The following TRAPPC9 variants were observed in gnomAD, a reference collection of about 807,000 sequenced individuals.
TRAPPC9 encodes the protein trafficking protein particle complex subunit 9.
Under a neutral mutation model 124.0 loss-of-function variants are expected in TRAPPC9, and 83 were observed. The observed-to-expected ratio is 0.67, with a 90% CI of 0.56 to 0.80. The LOEUF (loss-of-function observed/expected upper bound fraction) is 0.80, where lower values mean the gene tolerates loss of function less well. Ranked by LOEUF, TRAPPC9 falls within the 30% of genes least tolerant of loss-of-function variation. TRAPPC9 has a pLI of 0.00. For synonymous variants in TRAPPC9, 638 were observed against 617.5 expected (o/e 1.03, Z -0.49); for missense variants, 1,302 against 1,508.3 (o/e 0.86, Z 2.27).
At chr8:140,054,055 G>C (rs558751283) in intron 17 of TRAPPC9, among the ~76,000 whole-genome samples, 2 of 152,322 alleles carry the variant, frequency 1.3e-5, no homozygotes, top group African/African-American at 4.8e-5. Context: ...ACTATGCTAA[G>C]TGAATTAACA....
intron 21 of TRAPPC9, among the ~76,000 whole-genome samples, chr8:139,849,608 T>C (rs1827318253): frequency 6.6e-6 from 1 of 152,236 alleles, no homozygotes; most frequent in Non-Finnish European, 1.5e-5. Flanking sequence ...GAGTACTTCG[T>C]GTAATATTCA....
chr8:140,053,699 C>T (rs1842131402), intron 17 of TRAPPC9, among the ~76,000 whole-genome samples: 1 of 152,136 alleles, frequency 6.6e-6, no homozygotes, highest in South Asian at 2.1e-4. Context: ...CTTTTTCTCC[C>T]TTTAGTCAGT....
chr8:139,790,606 G>C (rs1822592916), intron 21 of TRAPPC9, among the ~76,000 whole-genome samples: 1 of 152,192 alleles, frequency 6.6e-6, no homozygotes. Flanking sequence ...GTCACATCTG[G>C]TGGAGTGGGT....
At chr8:140,264,835 T>C (rs1213369326) in intron 15 of TRAPPC9, among the ~76,000 whole-genome samples, 1 of 152,134 alleles carries the variant, frequency 6.6e-6, no homozygotes, top group African/African-American at 2.4e-5. Flanking sequence ...CCACCCACCC[T>C]GTGCTAAGCA....
rs1411473370 is a variant in TRAPPC9, at chr8:139,988,151, C to G, written c.2810+575G>C. Among the ~76,000 whole-genome samples the G allele has an allele frequency of 2.0e-5, 3 of 148,510 alleles. No homozygotes were observed. In the East Asian group the frequency reaches 6.0e-4, roughly 30 times the overall value. ...TGAGGCGGAGTCTCGCTCTGTCGCCCAGGCTGGAGTACGGTGGTACGATCG... is the reference window on the plus strand; with the variant it reads ...TGAGGCGGAGTCTCGCTCTGTCGCCGAGGCTGGAGTACGGTGGTACGATCG... On this transcript the variant is annotated intron_variant, in intron 19 of 22. Transcript: ENST00000438773.
rs1443989670 is a variant in TRAPPC9, at chr8:140,450,969, G to A, written c.405C>T (p.Tyr135=). The A allele has an allele frequency of 3.1e-6, 5 of 1,614,042 alleles. No individual in the cohort carries two copies. Among genetic ancestry groups the A allele is most frequent in the Middle Eastern group, 1.6e-4 (1 of 6,084 alleles). Residue 135 remains tyrosine (Y), a synonymous_variant, in exon 2 of 23, where the codon TAC becomes TAT. Coordinates refer to ENST00000438773, the MANE Select transcript of TRAPPC9 (RefSeq NM_001160372.4). Reference sequence around the variant, plus strand: ...CCGTCTGGCAGTCCTCGTAGTTGGGGTAGAAAGCCACGTCGGTGCGCGGCT... The same window carrying A: ...CCGTCTGGCAGTCCTCGTAGTTGGGATAGAAAGCCACGTCGGTGCGCGGCT... The part of the protein sequence containing the change: ...VEQPRTDVAF[Y]PNYEDCQTVE...
intron 21 of TRAPPC9, among the ~76,000 whole-genome samples, chr8:139,741,665 G>A (rs757757943): frequency 6.6e-6 from 1 of 151,836 alleles, no homozygotes; most frequent in Non-Finnish European, 1.5e-5. Context: ...AGCCATCACT[G>A]CCCTGCCCCC....
intron 19 of TRAPPC9, among the ~76,000 whole-genome samples, chr8:139,911,892 C>T (rs1038928946): frequency 4.6e-5 from 7 of 152,026 alleles, no homozygotes; most frequent in Admixed American, 1.3e-4. Flanking sequence ...TCAGTCTCCA[C>T]GACAGCTTGG....
rs1844302423 is a variant in TRAPPC9 at position 140,087,881 on chromosome 8, C to A, written c.2557-63802G>T. Among the ~76,000 whole-genome samples, 1 of 152,126 alleles carries A rather than the reference C, an allele frequency of 6.6e-6. No individual in the cohort carries two copies. The highest frequency in any genetic ancestry group is 1.5e-5 in the Non-Finnish European group (1 of 68,034). On this transcript the variant is annotated intron_variant, in intron 17 of 22. Coordinates refer to ENST00000438773, the MANE Select transcript of TRAPPC9 (RefSeq NM_001160372.4). This position sits in a 1 kb window ranked among gnomAD's most constrained non-coding sequence, Gnocchi z 4.6. ...CCCCAGAAAAACCCACCATCACTGA[C>A]AAGGTCCTGGAGAGCAGGCTTCAGC...
At chr8:140,399,552 G>A (rs1444308257) in intron 6 of TRAPPC9, among the ~76,000 whole-genome samples, 7 of 152,292 alleles carry the variant, frequency 4.6e-5, no homozygotes, top group African/African-American at 7.2e-5. Context: ...TCTGGGTTTC[G>A]GACTTACATG....
chr8:140,452,296 T>G (rs2071492805), intron 1 of TRAPPC9, among the ~76,000 whole-genome samples: 1 of 151,196 alleles, frequency 6.6e-6, no homozygotes, highest in South Asian at 2.1e-4. Flanking sequence ...GGCAGGCACC[T>G]GTAGTCCCAG....
At chr8:139,847,652 G>T (rs1827175142) in intron 21 of TRAPPC9, among the ~76,000 whole-genome samples, 1 of 151,810 alleles carries the variant, frequency 6.6e-6, no homozygotes, top group African/African-American at 2.4e-5. Context: ...CTTCCCGATG[G>T]CCTGGCCTGG....
At chr8:139,773,386 C>G (rs1316506518) in intron 21 of TRAPPC9, among the ~76,000 whole-genome samples, 1 of 152,228 alleles carries the variant, frequency 6.6e-6, no homozygotes, top group African/African-American at 2.4e-5. Flanking sequence ...TGGAGTTTGT[C>G]CTGAAAGCCT....
At chr8:139,979,563 G>A (rs577732383) in intron 19 of TRAPPC9, among the ~76,000 whole-genome samples, 6 of 152,284 alleles carry the variant, frequency 3.9e-5, no homozygotes, top group African/African-American at 7.2e-5. Context: ...GGATGCTGGC[G>A]GGTGAGAGGA....
At chr8:140,005,778 G>C (rs1838708085) in intron 18 of TRAPPC9, among the ~76,000 whole-genome samples, 1 of 151,992 alleles carries the variant, frequency 6.6e-6, no homozygotes, top group Non-Finnish European at 1.5e-5. Context: ...CAGCCATGGT[G>C]GTGCACGCCT....
chr8:139,855,260 T>C (rs779934612), intron 21 of TRAPPC9, among the ~76,000 whole-genome samples: 12 of 152,288 alleles, frequency 7.9e-5, no homozygotes, highest in Middle Eastern at 3.4e-3. Context: ...AAATATTTGT[T>C]TTCCTCGGTA....
intron 21 of TRAPPC9, among the ~76,000 whole-genome samples, chr8:139,850,385 T>C (rs1325490953): frequency 6.6e-6 from 1 of 152,142 alleles, no homozygotes; most frequent in Non-Finnish European, 1.5e-5. Context: ...TCTTTCCAGA[T>C]AGCCCAAAGC....
At chr8:139,830,052 C>A (rs1586937264) in intron 21 of TRAPPC9, among the ~76,000 whole-genome samples, 1 of 152,216 alleles carries the variant, frequency 6.6e-6, no homozygotes, top group Admixed American at 6.5e-5. Context: ...AACACAAATA[C>A]TCCATTAGCA....
chr8:140,436,238 C>A lies in TRAPPC9; in HGVS notation c.731-998G>T, dbSNP rs144714089. ...AAACACACCTGTAGCCCCAGCTACT[C>A]GGGAGGCTGAGGCAAGAGAATCGCT... On this transcript the variant is annotated intron_variant, in intron 3 of 22. Transcript: ENST00000438773. Among the ~76,000 whole-genome samples, 7 of 151,876 alleles carry A rather than the reference C, an allele frequency of 4.6e-5. 1 individual carries two copies. The South Asian group carries it at 1.2e-3, about 27-fold the overall frequency.
Sources: gnomAD v4.1 joint callset for allele counts (sites outside exome capture counted in the v4.1 genomes callset) on GRCh38, gnomAD v4.1.1 for gene constraint, Gnocchi (gnomAD v3.1) non-coding constraint, MANE v1.5 for transcripts, NCBI Gene and HGNC (gene_info 2026-07-23, HGNC 2026-07-21) for gene names.